The following CENPW variants were observed in gnomAD, a reference collection of about 807,000 sequenced individuals.
CENPW encodes the protein cancer-up-regulated gene 2 protein.
CENPW carries 3 observed loss-of-function variants against 11.1 expected under a neutral mutation model. The ratio of observed to expected loss-of-function variants is 0.27; its 90% CI spans 0.12 to 0.70. The LOEUF (loss-of-function observed/expected upper bound fraction) is 0.70. CENPW is among the 30% of genes least tolerant of loss of function. The probability of loss-of-function intolerance (pLI) is 0.77; values close to 1 mark genes in which losing one functional copy is unlikely to be tolerated. For missense variants in CENPW, 100 were observed against 105.6 expected (o/e 0.95, Z 0.23); for synonymous variants, 38 against 42.0 (o/e 0.91, Z 0.37).
the CENPW span, among the ~76,000 whole-genome samples, chr6:126,366,444 A>G: frequency 6.6e-6 from 1 of 152,230 alleles, no homozygotes; most frequent in Admixed American, 6.5e-5. Context: ...TGATTGCAAC[A>G]AATTTTCAGT....
the CENPW span, among the ~76,000 whole-genome samples, chr6:126,373,835 C>T: frequency 6.6e-6 from 1 of 152,138 alleles, no homozygotes; most frequent in Non-Finnish European, 1.5e-5. Context: ...AAAACCAGTT[C>T]TGAGTTTGGG....
the CENPW span, among the ~76,000 whole-genome samples, chr6:126,358,378 C>T: frequency 8.6e-5 from 13 of 152,042 alleles, no homozygotes; most frequent in African/African-American, 2.4e-4. Context: ...GGGGCATGCT[C>T]CTTAGATGGA....
At chr6:126,372,022 T>G in the CENPW span, among the ~76,000 whole-genome samples, 3 of 151,998 alleles carry the variant, frequency 2.0e-5, no homozygotes, top group African/African-American at 7.3e-5. Context: ...TTATTTATCT[T>G]TGCGAGGAAC....
At chr6:126,421,041 G>A in the CENPW span, among the ~76,000 whole-genome samples, 1 of 152,054 alleles carries the variant, frequency 6.6e-6, no homozygotes, top group African/African-American at 2.4e-5. Context: ...CTGCTTGAAA[G>A]ATCATTAGAA....
the CENPW span, among the ~76,000 whole-genome samples, chr6:126,482,285 C>A: frequency 6.6e-6 from 1 of 151,902 alleles, no homozygotes; most frequent in Non-Finnish European, 1.5e-5. Flanking sequence ...TGCTTTCCAG[C>A]AAGTACAATT....
the CENPW span, among the ~76,000 whole-genome samples, chr6:126,359,352 A>G: frequency 1.3e-5 from 2 of 151,356 alleles, no homozygotes; most frequent in Non-Finnish European, 2.9e-5. Flanking sequence ...CGTGTGGCCG[A>G]TCTTAGAATA....
chr6:126,469,122 A>G, the CENPW span, among the ~76,000 whole-genome samples: 3 of 152,172 alleles, frequency 2.0e-5, no homozygotes, highest in African/African-American at 7.2e-5. Flanking sequence ...TATCTATGTT[A>G]TATGGTTTGG....
chr6:126,443,304 C>T, the CENPW span, among the ~76,000 whole-genome samples: 23 of 151,116 alleles, frequency 1.5e-4, no homozygotes, highest in African/African-American at 3.6e-4. Context: ...GAAGAAACTG[C>T]GTAATTTGTC....
At chr6:126,347,013 A>G (rs998782069) in intron 2 of CENPW, among the ~76,000 whole-genome samples, 4 of 152,188 alleles carry the variant, frequency 2.6e-5, no homozygotes, top group African/African-American at 9.7e-5. Flanking sequence ...TTTTTATATA[A>G]TGTTAAGAAT....
the CENPW span, among the ~76,000 whole-genome samples, chr6:126,460,529 T>C: frequency 2.0e-5 from 3 of 151,794 alleles, no homozygotes; most frequent in African/African-American, 7.2e-5. Context: ...CTGATTTCAG[T>C]GTCCTTAAAA....
the CENPW span, among the ~76,000 whole-genome samples, chr6:126,430,969 A>G: frequency 6.6e-6 from 1 of 152,112 alleles, no homozygotes; most frequent in East Asian, 1.9e-4. Flanking sequence ...AAAGATTATT[A>G]TTGAATCCAA....
At chr6:126,470,405 C>T in the CENPW span, among the ~76,000 whole-genome samples, 2 of 152,318 alleles carry the variant, frequency 1.3e-5, no homozygotes, top group East Asian at 3.9e-4. Context: ...GGAACCTCTG[C>T]CTAGATTTCA....
At chr6:126,462,294 A>G in the CENPW span, among the ~76,000 whole-genome samples, 3 of 151,916 alleles carry the variant, frequency 2.0e-5, no homozygotes, top group Non-Finnish European at 4.4e-5. Context: ...ATGCCACTTT[A>G]CTTATGTAAC....
chr6:126,390,877 T>C, the CENPW span, among the ~76,000 whole-genome samples: 15 of 152,054 alleles, frequency 9.9e-5, no homozygotes, highest in African/African-American at 3.6e-4. Flanking sequence ...CATCTTTTGA[T>C]GGACACTTAG....
At chr6:126,347,825 A>G (rs1437041575) in intron 2 of CENPW, among the ~76,000 whole-genome samples, 2 of 151,988 alleles carry the variant, frequency 1.3e-5, no homozygotes, top group African/African-American at 4.8e-5. Flanking sequence ...TTTTTTTAAA[A>G]AAAGAGATAT....
At chr6:126,361,602 T>C in the CENPW span, among the ~76,000 whole-genome samples, 2 of 152,150 alleles carry the variant, frequency 1.3e-5, no homozygotes, top group Admixed American at 6.5e-5. Context: ...GCCTCTTTTG[T>C]ATTTCTATGT....
intron 2 of CENPW, 132 bp from the exon 3 acceptor site, chr6:126,348,334 C>T (rs1583957043): frequency 1.7e-6 from 1 of 574,472 alleles, no homozygotes; most frequent in East Asian, 3.3e-5. Flanking sequence ...AGGTGATTTC[C>T]AATTTGGAAA....
At chr6:126,389,946 G>A in the CENPW span, among the ~76,000 whole-genome samples, 1 of 151,854 alleles carries the variant, frequency 6.6e-6, no homozygotes, top group South Asian at 2.1e-4. Context: ...TGCCACAAAT[G>A]CAAGTTATGA....
At chr6:126,366,390 T>C in the CENPW span, among the ~76,000 whole-genome samples, 2 of 152,176 alleles carry the variant, frequency 1.3e-5, no homozygotes, top group Non-Finnish European at 1.5e-5. Context: ...AGTTAAACCA[T>C]TGAAGTTTCT....
Sources: gnomAD v4.1 joint callset for allele counts (sites outside exome capture counted in the v4.1 genomes callset) on GRCh38, gnomAD v4.1.1 for gene constraint, MANE v1.5 for transcripts, NCBI Gene and HGNC (gene_info 2026-07-23, HGNC 2026-07-21) for gene names.